Variants in SV2B observed in about 807,000 individuals in gnomAD.
SV2B encodes solute carrier family 22 member B2.
SV2B carries 41 observed loss-of-function variants against 73.9 expected under a neutral mutation model. The ratio of observed to expected loss-of-function variants is 0.56; its 90% CI spans 0.43 to 0.72. The LOEUF (loss-of-function observed/expected upper bound fraction) is 0.72, where lower values mean the gene tolerates loss of function less well. Among genes scored for constraint, SV2B ranks in the 30% least tolerant of loss-of-function variants. SV2B has a pLI of 0.00. For synonymous variants in SV2B, 314 were observed against 314.2 expected (o/e 1.00, Z 0.01); for missense variants, 764 against 857.8 (o/e 0.89, Z 1.37).
chr15:91,249,700 A>G (rs907276025), intron 2 of SV2B, among the ~76,000 whole-genome samples: 21 of 152,244 alleles, frequency 1.4e-4, no homozygotes, highest in Admixed American at 1.2e-3. Flanking sequence ...CTGATACCAC[A>G]GAAATATGAA....
chr15:91,232,832 G>T lies in SV2B; in HGVS notation c.451+6118G>T, dbSNP rs1177588039. 2.0e-5 allele frequency among the ~76,000 whole-genome samples: 3 copies of T among 152,164 alleles called. No individual in the cohort carries two copies. The highest frequency in any genetic ancestry group is 7.2e-5 in the African/African-American group (3 of 41,446). On this transcript the variant is annotated intron_variant, in intron 2 of 12. Coordinates refer to ENST00000394232, the MANE Select transcript of SV2B (RefSeq NM_001323032.3). The surrounding 1 kb of genome is among the most constrained non-coding windows in gnomAD (Gnocchi z 4.7). ...CAAATGATCCCATCACCCAGATAGT[G>T]AGCAAAGAACCTAACTGTTTTTCAG...
chr15:91,159,572 T>C (rs1248439583), intron 1 of SV2B, among the ~76,000 whole-genome samples: 1 of 152,034 alleles, frequency 6.6e-6, no homozygotes, highest in African/African-American at 2.4e-5. Context: ...ATAGAGAGGA[T>C]TAAGAAACAT....
chr15:91,135,802 T>C (rs1354739729), intron 1 of SV2B, among the ~76,000 whole-genome samples: 3 of 152,208 alleles, frequency 2.0e-5, no homozygotes, highest in African/African-American at 7.2e-5. Flanking sequence ...AGACAAAAGA[T>C]GGGTTTGCAG....
chr15:91,262,173 G>A (rs967504855), intron 6 of SV2B, among the ~76,000 whole-genome samples: 1 of 152,014 alleles, frequency 6.6e-6, no homozygotes, highest in African/African-American at 2.4e-5. Context: ...GGTACTCTCT[G>A]TGCCTCATTT....
In SV2B at chr15:91,265,309, C is replaced by A. The variant is rs576347682; in HGVS notation, c.1009-1273C>A. Among the ~76,000 whole-genome samples, 1 of 152,160 alleles carries A rather than the reference C, an allele frequency of 6.6e-6. No homozygotes were observed. On this transcript the variant is annotated intron_variant, in intron 6 of 12. Transcript: ENST00000394232. The surrounding 1 kb of genome is among the most constrained non-coding windows in gnomAD (Gnocchi z 4.2). Reference sequence around the variant, plus strand: ...TGGAAGGAGAAGGAGTTGAAGCATTCGGCTGAGAACCCACGATCTGCAGGG... The same window carrying A: ...TGGAAGGAGAAGGAGTTGAAGCATTAGGCTGAGAACCCACGATCTGCAGGG...
Position 91,239,062 on chromosome 15 carries a change from G to A in SV2B, c.451+12348G>A, listed in dbSNP as rs1358778967. 6.6e-6 allele frequency among the ~76,000 whole-genome samples: 1 copy of A among 152,220 alleles called. No individual in the cohort carries two copies. The highest frequency in any genetic ancestry group is 6.5e-5 in the Admixed American group (1 of 15,286). Reference sequence around the variant, plus strand: ...TAATTTCAGAGAAGAAAGCTGGAAAGTCACAAATATTAGCAGGGATGGAAG... The same window carrying A: ...TAATTTCAGAGAAGAAAGCTGGAAAATCACAAATATTAGCAGGGATGGAAG... On this transcript the variant is annotated intron_variant, in intron 2 of 12. Transcript: ENST00000394232. This position sits in a 1 kb window ranked among gnomAD's most constrained non-coding sequence, Gnocchi z 5.1.
Position 91,123,864 on chromosome 15 carries a change from T to C in SV2B, c.-392+23501T>C, listed in dbSNP as rs2042404481. On this transcript the variant is annotated intron_variant, in intron 1 of 12. Coordinates refer to ENST00000394232, the MANE Select transcript of SV2B (RefSeq NM_001323032.3). This position sits in a 1 kb window ranked among gnomAD's most constrained non-coding sequence, Gnocchi z 4.7. ...TCAGACAAGTGATCTCCAGGGGAGA[T>C]GACCCTGGGCTCTAAGCACACTTGG... 1.3e-5 allele frequency among the ~76,000 whole-genome samples: 2 copies of C among 152,132 alleles called. No individual in the cohort carries two copies.
At chr15:91,126,199 G>T (rs573591525) in intron 1 of SV2B, among the ~76,000 whole-genome samples, 19 of 152,340 alleles carry the variant, frequency 1.2e-4, no homozygotes, top group Non-Finnish European at 2.4e-4. Context: ...TGGCAAGGCT[G>T]TGCCTACTGT....
chr15:91,136,481 G>T lies in SV2B; in HGVS notation c.-392+36118G>T, dbSNP rs189755510. ...ACCAGTGGGAAGGCCCATGCGTCTCGGGTGCTTTGTCCCAGGGAGAGAACT... is the reference window on the plus strand; with the variant it reads ...ACCAGTGGGAAGGCCCATGCGTCTCTGGTGCTTTGTCCCAGGGAGAGAACT... On this transcript the variant is annotated intron_variant, in intron 1 of 12. Transcript: ENST00000394232. This position sits in a 1 kb window ranked among gnomAD's most constrained non-coding sequence, Gnocchi z 5.6. 1.4e-3 allele frequency among the ~76,000 whole-genome samples: 218 copies of T among 152,294 alleles called. 1 individual carries two copies. The highest frequency in any genetic ancestry group is 4.5e-3 in the African/African-American group (189 of 41,558).
intron 9 of SV2B, among the ~76,000 whole-genome samples, chr15:91,270,236 T>G (rs2048247391): frequency 6.6e-6 from 1 of 152,198 alleles, no homozygotes; most frequent in South Asian, 2.1e-4. Flanking sequence ...CAAGTAATAC[T>G]AATGGTAGCA....
chr15:91,284,598 T>C lies in SV2B; in HGVS notation c.1708+377T>C, dbSNP rs544039667. 6.6e-6 allele frequency among the ~76,000 whole-genome samples: 1 copy of C among 152,350 alleles called. No individual in the cohort carries two copies. The highest frequency in any genetic ancestry group is 6.5e-5 in the Admixed American group (1 of 15,308). ...TGATGGTTTGATGTTTGAAGATAAA[T>C]TGTGTTACTTTTATTATTTAATAGC... On this transcript the variant is annotated intron_variant, in intron 11 of 12. Coordinates refer to ENST00000394232, the MANE Select transcript of SV2B (RefSeq NM_001323032.3). The surrounding 1 kb of genome is among the most constrained non-coding windows in gnomAD (Gnocchi z 4.5).
chr15:91,109,562 G>T (rs1480147116), intron 1 of SV2B, among the ~76,000 whole-genome samples: 1 of 151,260 alleles, frequency 6.6e-6, no homozygotes, highest in Non-Finnish European at 1.5e-5. Context: ...CATTACCCCT[G>T]AGTGAGCGTG....
At chr15:91,153,569 T>A (rs72764745) in intron 1 of SV2B, among the ~76,000 whole-genome samples, 35,229 of 152,026 alleles carry the variant, frequency 0.23, 5,241 homozygotes, top group Non-Finnish European at 0.33. Context: ...AACTGTTAGC[T>A]CCATGTCTGT....
intron 2 of SV2B, among the ~76,000 whole-genome samples, chr15:91,250,816 T>C (rs1029158049): frequency 1.3e-5 from 2 of 152,110 alleles, no homozygotes; most frequent in Non-Finnish European, 2.9e-5. Flanking sequence ...AAGACACAAA[T>C]AGATGGAAAG....
At chr15:91,205,896 GA>G (rs1283391710) in intron 1 of SV2B, among the ~76,000 whole-genome samples, 1 of 152,198 alleles carries the variant, frequency 6.6e-6, no homozygotes, top group East Asian at 1.9e-4. Context: ...CACTGGAGGA[GA>G]AAAACAGCTG....
intron 1 of SV2B, among the ~76,000 whole-genome samples, chr15:91,161,286 A>AT (rs34070547): frequency 6.6e-6 from 1 of 151,822 alleles, no homozygotes; most frequent in Non-Finnish European, 1.5e-5. Flanking sequence ...AAATGGGTGA[A>AT]TTTTTTTTGT....
At chr15:91,250,882 C>T (rs2047456478) in intron 2 of SV2B, among the ~76,000 whole-genome samples, 1 of 152,112 alleles carries the variant, frequency 6.6e-6, no homozygotes, top group Non-Finnish European at 1.5e-5. Context: ...CTATACTGCC[C>T]AAAGTAACCT....
intron 1 of SV2B, among the ~76,000 whole-genome samples, chr15:91,222,054 C>T (rs1173605209): frequency 6.6e-6 from 1 of 152,208 alleles, no homozygotes; most frequent in African/African-American, 2.4e-5. Flanking sequence ...ATAGCCTTGT[C>T]CTCCAGCCTG....
At chr15:91,109,746 T>A (rs1053240883) in intron 1 of SV2B, among the ~76,000 whole-genome samples, 106 of 152,242 alleles carry the variant, frequency 7.0e-4, no homozygotes, top group African/African-American at 1.2e-3. Context: ...ATTAAAAAAA[T>A]TTTTTTGGTA....
Sources: allele counts gnomAD v4.1 joint callset (sites outside exome capture counted in the v4.1 genomes callset), GRCh38; gene constraint gnomAD v4.1.1; non-coding constraint Gnocchi (gnomAD v3.1); transcripts MANE v1.5; gene names NCBI Gene and HGNC (gene_info 2026-07-23, HGNC 2026-07-21).